Variants in LRRC63 observed in about 807,000 individuals in gnomAD.
The protein encoded by LRRC63 is leucine-rich repeat-containing protein 63.
LRRC63 carries 40 observed loss-of-function variants against 49.5 expected under a neutral mutation model. The ratio of observed to expected loss-of-function variants is 0.81; its 90% CI spans 0.63 to 1.05. The LOEUF (loss-of-function observed/expected upper bound fraction) is 1.05, where lower values mean the gene tolerates loss of function less well. Among genes scored for constraint, LRRC63 ranks in the 50% least tolerant of loss-of-function variants. The pLI is 0.00. For synonymous variants in LRRC63, 191 were observed against 221.1 expected, an observed-to-expected ratio of 0.86 and a Z score of 1.21; for missense variants, 636 against 663.1, an observed-to-expected ratio of 0.96 and a Z score of 0.45.
At chr13:46,250,485 C>T (rs1359133300) in exon 7 of LRRC63, 2 of 1,530,368 alleles carry the variant, frequency 1.3e-6, no homozygotes, top group African/African-American at 1.4e-5. Flanking sequence ...ACTGTTCTTC[C>T]AATTGGGTAA....
intron 7 of LRRC63, among the ~76,000 whole-genome samples, chr13:46,251,544 T>C (rs758624030): frequency 2.2e-4 from 33 of 151,854 alleles, no homozygotes; most frequent in African/African-American, 6.0e-4. Context: ...TATTAGAAAA[T>C]AGTGTTTAAA....
intron 7 of LRRC63, among the ~76,000 whole-genome samples, chr13:46,254,608 A>G (rs1194590435): frequency 6.6e-6 from 1 of 152,232 alleles, no homozygotes; most frequent in East Asian, 1.9e-4. Context: ...AGAGGTTACT[A>G]TGAAATAACT....
intron 9 of LRRC63, among the ~76,000 whole-genome samples, chr13:46,275,501 A>G (rs1326748186): frequency 2.0e-5 from 3 of 151,918 alleles, no homozygotes; most frequent in Admixed American, 2.0e-4. Context: ...TGTCTTTTTT[A>G]TAATAGCCAT....
intron 2 of LRRC63, among the ~76,000 whole-genome samples, chr13:46,222,771 T>C (rs1347377239): frequency 6.6e-6 from 1 of 151,602 alleles, no homozygotes; most frequent in Non-Finnish European, 1.5e-5. Context: ...CGTATGTTTA[T>C]TGAGGCACTA....
chr13:46,268,687 A>G lies in LRRC63; in HGVS notation c.1550+1715A>G, dbSNP rs12100390. The stretch of plus-strand genomic sequence containing the variant: ...ATAAACCAAAACAGAATTTACTCAC[A>G]ATAAATTTTCACCAAAGGAAGTTGC... On this transcript the variant is annotated intron_variant, in intron 9 of 9. Coordinates refer to ENST00000595396, the Ensembl canonical transcript of LRRC63. Among the ~76,000 whole-genome samples the G allele has an allele frequency of 4.1e-3, 630 of 151,870 alleles. 37 individuals carry two copies. Among genetic ancestry groups the G allele is most frequent in the African/African-American group, 0.015 (604 of 41,158 alleles).
chr13:46,231,762 T>C lies in LRRC63; in HGVS notation c.833-2430T>C, dbSNP rs1448715834. Among the ~76,000 whole-genome samples, 5 of 150,042 alleles carry C rather than the reference T, an allele frequency of 3.3e-5. No individual in the cohort carries two copies. The East Asian group carries it at 9.8e-4, about 29-fold the overall frequency. On this transcript the variant is annotated intron_variant, in intron 4 of 9. Transcript: ENST00000595396. Reference sequence around the variant, plus strand: ...CAACCTCTAGTGATCCTCCTCGGCCTCCCAAAGTGCTGGGATTACAGATGT... The same window carrying C: ...CAACCTCTAGTGATCCTCCTCGGCCCCCCAAAGTGCTGGGATTACAGATGT...
intron 9 of LRRC63, among the ~76,000 whole-genome samples, chr13:46,275,401 C>CA (rs1287598253): frequency 1.3e-5 from 2 of 152,108 alleles, no homozygotes; most frequent in African/African-American, 4.8e-5. Flanking sequence ...CGCCATCCTC[C>CA]ATTCTGATGG....
chr13:46,236,397 T>G (rs571776075), intron 5 of LRRC63, among the ~76,000 whole-genome samples: 9 of 152,098 alleles, frequency 5.9e-5, no homozygotes, highest in Admixed American at 3.3e-4. Context: ...AAAGCCAAAG[T>G]CAAAGAAAGA....
At chr13:46,264,436 ATTTAG>A (rs2047654933) in intron 8 of LRRC63, among the ~76,000 whole-genome samples, 2 of 148,950 alleles carry the variant, frequency 1.3e-5, no homozygotes, top group Admixed American at 1.3e-4. Flanking sequence ...TTATTTATTT[ATTTAG>A]TTAGTTAGTT....
At chr13:46,235,668 C>A (rs1447711554) in intron 5 of LRRC63, among the ~76,000 whole-genome samples, 1 of 151,966 alleles carries the variant, frequency 6.6e-6, no homozygotes, top group Non-Finnish European at 1.5e-5. Flanking sequence ...TCTATTTTTT[C>A]ACGTCAGATG....
intron 2 of LRRC63, among the ~76,000 whole-genome samples, chr13:46,216,688 C>T (rs1476544204): frequency 1.3e-5 from 2 of 152,168 alleles, no homozygotes; most frequent in African/African-American, 4.8e-5. Context: ...TGCCAGTTTT[C>T]AAAGGGAATG....
chr13:46,247,321 C>G (rs1488336281), intron 6 of LRRC63, among the ~76,000 whole-genome samples: 2 of 152,102 alleles, frequency 1.3e-5, no homozygotes, highest in East Asian at 3.9e-4. Flanking sequence ...TATTTCTTTT[C>G]TAATACATAA....
intron 9 of LRRC63, among the ~76,000 whole-genome samples, chr13:46,268,188 T>A (rs2047707305): frequency 6.6e-6 from 1 of 151,980 alleles, no homozygotes; most frequent in African/African-American, 2.4e-5. Flanking sequence ...TAAAATGAAA[T>A]TCTAGAAACT....
At chr13:46,258,584 C>T (rs1216909091) in intron 7 of LRRC63, among the ~76,000 whole-genome samples, 17 of 150,368 alleles carry the variant, frequency 1.1e-4, no homozygotes, top group East Asian at 4.0e-4. Context: ...CCGGGGTGGG[C>T]GAATCACGAG....
intron 2 of LRRC63, among the ~76,000 whole-genome samples, chr13:46,226,087 T>G (rs2046567260): frequency 6.6e-6 from 1 of 152,036 alleles, no homozygotes; most frequent in South Asian, 2.1e-4. Context: ...GGGCTCATGG[T>G]ACCCTCCCAC....
At chr13:46,242,762 A>G (rs1271514775) in intron 5 of LRRC63, among the ~76,000 whole-genome samples, 1 of 44,116 alleles carries the variant, frequency 2.3e-5, no homozygotes, top group African/African-American at 1.8e-4. Context: ...AGTGTTGAAG[A>G]AAAAAAAAAA....
exon 3 of LRRC63, chr13:46,227,619 C>T: frequency 6.5e-7 from 1 of 1,549,892 alleles, no homozygotes; most frequent in Non-Finnish European, 8.7e-7. Context: ...AAATCAATCA[C>T]TAACACCTAT....
At chr13:46,228,367 C>G (rs1190157998) in intron 3 of LRRC63, among the ~76,000 whole-genome samples, 178 bp downstream of exon 3, 1 of 152,170 alleles carries the variant, frequency 6.6e-6, no homozygotes, top group South Asian at 2.1e-4. Context: ...CCTGACCTTG[C>G]AGATCTGCCA....
intron 5 of LRRC63, among the ~76,000 whole-genome samples, chr13:46,243,010 A>C (rs2047108887): frequency 6.6e-6 from 1 of 152,204 alleles, no homozygotes; most frequent in African/African-American, 2.4e-5. Flanking sequence ...AAAACTAGAC[A>C]AATTCAGAAT....
Sources: allele counts gnomAD v4.1 joint callset (sites outside exome capture counted in the v4.1 genomes callset), GRCh38; gene constraint gnomAD v4.1.1; transcripts MANE v1.5; gene names NCBI Gene and HGNC (gene_info 2026-07-23, HGNC 2026-07-21).